Variants in SLC5A1 observed in about 807,000 individuals in gnomAD.
The protein encoded by SLC5A1 is solute carrier family 5 member 1, also known as sodium/glucose cotransporter 1.
Under a neutral mutation model 73.5 loss-of-function variants are expected in SLC5A1, and 42 were observed. The observed-to-expected ratio is 0.57, with a 90% CI of 0.45 to 0.74. SLC5A1 has a LOEUF of 0.74. Ranked by LOEUF, SLC5A1 falls within the 30% of genes least tolerant of loss-of-function variation. The pLI is 0.00. For synonymous variants in SLC5A1, 300 were observed against 317.4 expected (o/e 0.95, Z 0.58); for missense variants, 634 against 855.4 (o/e 0.74, Z 3.23).
At chr22:32,069,521 A>T (rs2093979450) in intron 5 of SLC5A1, among the ~76,000 whole-genome samples, 1 of 152,122 alleles carries the variant, frequency 6.6e-6, no homozygotes, top group Non-Finnish European at 1.5e-5. Context: ...GCCTCTTAAA[A>T]AAAAAAAAAG....
At chr22:32,105,105 C>T (rs990636544) in intron 14 of SLC5A1, among the ~76,000 whole-genome samples, 6 of 152,074 alleles carry the variant, frequency 3.9e-5, no homozygotes, top group Non-Finnish European at 5.9e-5. Context: ...ATTCAAGCTC[C>T]CTCACCCCTC....
At chr22:32,085,101 T>G in intron 9 of SLC5A1, 66 bp downstream of exon 9, 1 of 1,586,808 alleles carries the variant, frequency 6.3e-7, no homozygotes, top group Middle Eastern at 1.7e-4. Context: ...CTTCTAAAGC[T>G]CTATAGCTTC....
chr22:32,110,376 T>C lies in SLC5A1; in HGVS notation c.*163T>C. The C allele has an allele frequency of 1.5e-6, 1 of 682,058 alleles. No homozygotes were observed. 42.3% of individuals were successfully genotyped at this position (682,058 alleles called of 1,614,324 possible). A position where few individuals can be genotyped will look rare whatever the true frequency, so the allele number is the denominator to read the frequency against. ...GCTAGCTGGAAGAAAACCATTAGTTTGCTGTTAATTTATGCATTTGAAGCC... is the reference window on the plus strand; with the variant it reads ...GCTAGCTGGAAGAAAACCATTAGTTCGCTGTTAATTTATGCATTTGAAGCC... On this transcript the variant is annotated 3_prime_UTR_variant, in exon 15 of 15. Coordinates refer to ENST00000266088, the MANE Select transcript of SLC5A1 (RefSeq NM_000343.4).
intron 5 of SLC5A1, among the ~76,000 whole-genome samples, chr22:32,071,953 C>A (rs1276759616): frequency 6.6e-6 from 1 of 152,142 alleles, no homozygotes; most frequent in African/African-American, 2.4e-5. Context: ...GGATAACAAG[C>A]ACTCACGGAC....
Position 32,068,620 on chromosome 22 carries a change from G to A in SLC5A1, c.477+20G>A. On this transcript the variant is annotated intron_variant, in intron 5 of 14. Coordinates refer to ENST00000266088, the MANE Select transcript of SLC5A1 (RefSeq NM_000343.4). The stretch of plus-strand genomic sequence containing the variant: ...ATCTCGGTGAGTCCACTGCCCCAGA[G>A]GGCTGGGCTGTCTCAGAAGCTGCCA... 4.6e-6 allele frequency: 7 copies of A among 1,526,414 alleles called. No homozygotes were observed. In the South Asian group the frequency reaches 7.8e-5, roughly 17 times the overall value. 94.6% of individuals were successfully genotyped at this position (1,526,414 alleles called of 1,614,324 possible).
At chr22:32,051,683 C>A (rs1273865829) in intron 2 of SLC5A1, among the ~76,000 whole-genome samples, 1 of 151,860 alleles carries the variant, frequency 6.6e-6, no homozygotes, top group East Asian at 1.9e-4. Flanking sequence ...ACAAAAACCC[C>A]AAAAAACAAA....
intron 2 of SLC5A1, among the ~76,000 whole-genome samples, chr22:32,058,923 C>A (rs558011335): frequency 6.6e-6 from 1 of 152,300 alleles, no homozygotes; most frequent in South Asian, 2.1e-4. Context: ...TGAGAAGAGT[C>A]CTGACTCCAT....
At chr22:32,085,680 C>T (rs764154701) in intron 9 of SLC5A1, among the ~76,000 whole-genome samples, 5 of 147,512 alleles carry the variant, frequency 3.4e-5, no homozygotes, top group Non-Finnish European at 7.4e-5. Flanking sequence ...TCTTTGATTT[C>T]TTTCCTCCGT....
At chr22:32,069,077 G>A (rs1404899550) in intron 5 of SLC5A1, among the ~76,000 whole-genome samples, 1 of 152,040 alleles carries the variant, frequency 6.6e-6, no homozygotes, top group Admixed American at 6.6e-5. Flanking sequence ...AATACCACTC[G>A]GCCTTAAAAA....
At chr22:32,057,487 A>G (rs535807822) in intron 2 of SLC5A1, among the ~76,000 whole-genome samples, 1 of 152,124 alleles carries the variant, frequency 6.6e-6, no homozygotes, top group African/African-American at 2.4e-5. Context: ...GCAGGTCTCA[A>G]ACTCCTGGAT....
chr22:32,085,078 T>G (rs1569311034), intron 9 of SLC5A1, 43 bp downstream of exon 9: 5 of 1,612,392 alleles, frequency 3.1e-6, no homozygotes, highest in South Asian at 2.2e-5. Context: ...TCCCTTTTTC[T>G]GTCTCCAAGT....
intron 5 of SLC5A1, among the ~76,000 whole-genome samples, chr22:32,077,509 A>G (rs552723725): frequency 1.1e-3 from 162 of 152,076 alleles, no homozygotes; most frequent in African/African-American, 3.7e-3. Flanking sequence ...GTCTCATAGG[A>G]TGACAGGACA....
intron 5 of SLC5A1, among the ~76,000 whole-genome samples, chr22:32,081,617 C>T (rs1054945317): frequency 3.3e-5 from 5 of 152,136 alleles, no homozygotes; most frequent in South Asian, 2.1e-4. Flanking sequence ...TGTCATGTAC[C>T]GTGTTCCCTC....
rs2094000208 is a variant in SLC5A1 at position 32,081,755 on chromosome 22, GTAT to G, written c.478-107_478-105del. On this transcript the variant is annotated intron_variant, in intron 5 of 14. Coordinates refer to ENST00000266088, the MANE Select transcript of SLC5A1 (RefSeq NM_000343.4). Reference sequence around the variant, plus strand: ...TGGAATTCTTTTTCTCATGGAATACGTATTATCATCTTGAATAAAGCTTGCTTG... The same window carrying G: ...TGGAATTCTTTTTCTCATGGAATACGTATCATCTTGAATAAAGCTTGCTTG... 1.3e-5 allele frequency: 10 copies of G among 775,400 alleles called. No homozygotes were observed. The South Asian group carries it at 1.3e-4, about 10-fold the overall frequency. 48.0% of individuals were successfully genotyped at this position (775,400 alleles called of 1,614,324 possible). A position where few individuals can be genotyped will look rare whatever the true frequency, so the allele number is the denominator to read the frequency against.
chr22:32,053,679 T>A (rs574796072), intron 2 of SLC5A1, among the ~76,000 whole-genome samples: 1 of 152,118 alleles, frequency 6.6e-6, no homozygotes, highest in East Asian at 1.9e-4. Flanking sequence ...AGAAAAAAAA[T>A]ACCATTTTTT....
At chr22:32,106,887 G>A (rs1468369832) in intron 14 of SLC5A1, among the ~76,000 whole-genome samples, 4 of 152,274 alleles carry the variant, frequency 2.6e-5, no homozygotes, top group Non-Finnish European at 5.9e-5. Flanking sequence ...GGAGAGCACA[G>A]GTGTAGCTCA....
At chr22:32,107,486 C>A (rs1488782800) in intron 14 of SLC5A1, among the ~76,000 whole-genome samples, 1 of 152,162 alleles carries the variant, frequency 6.6e-6, no homozygotes, top group Non-Finnish European at 1.5e-5. Flanking sequence ...AAAGTGATTC[C>A]ATTGTTCTAA....
At chr22:32,099,105 A>AAAT (rs1555967851) in intron 11 of SLC5A1, 78 bp from the exon 12 acceptor site, 23 of 57,638 alleles carry the variant, frequency 4.0e-4, no homozygotes, top group East Asian at 2.7e-3. Flanking sequence ...AAAAAAAAAA[A>AAAT]ATATATATAT....
Position 32,071,177 on chromosome 22 carries a change from T to A in SLC5A1, c.477+2577T>A, listed in dbSNP as rs565854276. 7.9e-5 allele frequency among the ~76,000 whole-genome samples: 12 copies of A among 152,268 alleles called. No individual in the cohort carries two copies. The South Asian group carries it at 2.5e-3, about 32-fold the overall frequency. On this transcript the variant is annotated intron_variant, in intron 5 of 14. Transcript: ENST00000266088. ...AAGATATAATGATAACGAGGCTGGGTGCGGTGGCTCATGCCTGTAATCCCA... is the reference window on the plus strand; with the variant it reads ...AAGATATAATGATAACGAGGCTGGGAGCGGTGGCTCATGCCTGTAATCCCA...
Sources: gnomAD v4.1 joint callset for allele counts (sites outside exome capture counted in the v4.1 genomes callset) on GRCh38, gnomAD v4.1.1 for gene constraint, MANE v1.5 for transcripts, NCBI Gene and HGNC (gene_info 2026-07-23, HGNC 2026-07-21) for gene names.